Variants in CEP120 observed in about 807,000 individuals in gnomAD.
The protein encoded by CEP120 is centrosomal protein of 120 kDa.
A neutral mutation model predicts 126.5 loss-of-function variants in CEP120; 113 were observed. The ratio of observed to expected loss-of-function variants is 0.89; its 90% CI spans 0.77 to 1.04. The LOEUF (loss-of-function observed/expected upper bound fraction) is 1.04, where lower values mean the gene tolerates loss of function less well. Among genes scored for constraint, CEP120 ranks in the 50% least tolerant of loss-of-function variants. The probability of loss-of-function intolerance (pLI) is 0.00; values close to 1 mark genes in which losing one functional copy is unlikely to be tolerated. For missense variants in CEP120, 1,230 were observed against 1,155.7 expected, an observed-to-expected ratio of 1.06 and a Z score of -0.93; for synonymous variants, 400 against 394.3, an observed-to-expected ratio of 1.01 and a Z score of -0.17.
At chr5:123,399,888 A>G (rs1773060527) in intron 4 of CEP120, among the ~76,000 whole-genome samples, 1 of 152,236 alleles carries the variant, frequency 6.6e-6, no homozygotes, top group Non-Finnish European at 1.5e-5. Flanking sequence ...GAAAACTGAC[A>G]TAATCAAATA....
chr5:123,419,402 C>T (rs931228762), intron 1 of CEP120, among the ~76,000 whole-genome samples: 1 of 152,044 alleles, frequency 6.6e-6, no homozygotes, highest in Admixed American at 6.6e-5. Flanking sequence ...AAAAAATTAG[C>T]CGGGTGTGGT....
intron 3 of CEP120, 79 bp downstream of exon 3, chr5:123,415,931 C>T (rs1338676086): frequency 1.1e-6 from 1 of 932,068 alleles, no homozygotes; most frequent in Non-Finnish European, 1.7e-6. Flanking sequence ...TATTTCATGT[C>T]CTTTTCATCA....
At chr5:123,385,221 G>T in intron 10 of CEP120, 88 bp from the exon 11 acceptor site, 1 of 1,087,538 alleles carries the variant, frequency 9.2e-7, no homozygotes, top group Non-Finnish European at 1.3e-6. Context: ...CCTCAATGGA[G>T]TCAAAGATGT....
At position 123,401,240 on chromosome 5, in the gene CEP120, C is replaced by T. The variant is rs760038799; in HGVS notation, c.464-1956G>A. On this transcript the variant is annotated intron_variant, in intron 4 of 19. Coordinates refer to ENST00000306467, the MANE Select transcript of CEP120 (RefSeq NM_001375405.1). Reference sequence around the variant, plus strand: ...GCTCCTGGTACTCACGCAGCTGCCACGCCATGTCCTGCTTGGCCCGCTGCA... The same window carrying T: ...GCTCCTGGTACTCACGCAGCTGCCATGCCATGTCCTGCTTGGCCCGCTGCA... 1.8e-4 allele frequency: 290 copies of T among 1,612,046 alleles called. 3 individuals carry two copies. The South Asian group carries it at 2.5e-3, about 14-fold the overall frequency.
chr5:123,388,695 T>C (rs1349814548), intron 8 of CEP120, 89 bp from the exon 9 acceptor site: 1 of 1,070,382 alleles, frequency 9.3e-7, no homozygotes, highest in African/African-American at 1.6e-5. Flanking sequence ...ATCATCTCAT[T>C]TACCTTTAAG....
intron 4 of CEP120, among the ~76,000 whole-genome samples, chr5:123,409,734 G>C (rs955910884): frequency 1.3e-5 from 2 of 152,102 alleles, no homozygotes; most frequent in Non-Finnish European, 2.9e-5. Context: ...GAGGCAGGCG[G>C]ATCACCTGAG....
At chr5:123,370,358 C>T (rs1253897567) in intron 17 of CEP120, among the ~76,000 whole-genome samples, 2 of 152,010 alleles carry the variant, frequency 1.3e-5, no homozygotes, top group Non-Finnish European at 2.9e-5. Context: ...CTTTCTCTCC[C>T]TGCCACACTT....
chr5:123,410,452 A>G (rs1412875718), intron 4 of CEP120, among the ~76,000 whole-genome samples: 1 of 152,244 alleles, frequency 6.6e-6, no homozygotes, highest in African/African-American at 2.4e-5. Flanking sequence ...AAGCTACAGT[A>G]ATCAAAACAG....
chr5:123,369,283 A>G (rs1770687820), intron 17 of CEP120, among the ~76,000 whole-genome samples: 1 of 151,984 alleles, frequency 6.6e-6, no homozygotes, highest in Admixed American at 6.6e-5. Flanking sequence ...TTAGCATTTT[A>G]CAAATATTGA....
chr5:123,349,806 C>T (rs1769080528), intron 19 of CEP120, 138 bp downstream of exon 19: 2 of 676,918 alleles, frequency 3.0e-6, no homozygotes, highest in African/African-American at 3.7e-5. Flanking sequence ...ACCCAGCTGG[C>T]ATAGATTTTC....
chr5:123,421,962 G>A (rs186339611), intron 1 of CEP120, among the ~76,000 whole-genome samples: 14 of 152,110 alleles, frequency 9.2e-5, no homozygotes, highest in Admixed American at 7.2e-4. Flanking sequence ...CTCTCCCATG[G>A]GGGAAAAAAT....
rs753565833 is a variant in CEP120, at chr5:123,418,534, T to C, written c.50-19A>G. On this transcript the variant is annotated intron_variant, in intron 1 of 19. Transcript: ENST00000306467. Reference sequence around the variant, plus strand: ...TGCCGACCTGGAGAAACAGAATATATAGATTAATCAAAAGTGTACAAAAAT... The same window carrying C: ...TGCCGACCTGGAGAAACAGAATATACAGATTAATCAAAAGTGTACAAAAAT... 1.5e-5 allele frequency: 24 copies of C among 1,560,144 alleles called. No individual in the cohort carries two copies. Among genetic ancestry groups the C allele is most frequent in the South Asian group, 4.7e-5 (4 of 84,230 alleles).
intron 1 of CEP120, among the ~76,000 whole-genome samples, chr5:123,419,162 G>A (rs1183035004): frequency 6.6e-6 from 1 of 152,198 alleles, no homozygotes; most frequent in African/African-American, 2.4e-5. Context: ...TGTGAATGCT[G>A]CTGTCCTTGG....
chr5:123,362,506 C>A (rs553293056), intron 18 of CEP120, among the ~76,000 whole-genome samples: 1 of 151,664 alleles, frequency 6.6e-6, no homozygotes, highest in South Asian at 2.1e-4. Flanking sequence ...AAAGTAACTG[C>A]GGTTTTTGCC....
intron 17 of CEP120, among the ~76,000 whole-genome samples, chr5:123,369,262 A>G (rs2127013209): frequency 6.6e-6 from 1 of 152,122 alleles, no homozygotes; most frequent in African/African-American, 2.4e-5. Flanking sequence ...ACAATGTCCT[A>G]GGTTCTATGT....
At chr5:123,349,016 A>G (rs1210416738) in intron 19 of CEP120, among the ~76,000 whole-genome samples, 1 of 152,216 alleles carries the variant, frequency 6.6e-6, no homozygotes, top group Non-Finnish European at 1.5e-5. Flanking sequence ...TTGCTCAAAG[A>G]AAAATATACT....
intron 18 of CEP120, among the ~76,000 whole-genome samples, chr5:123,353,208 T>C (rs1005388196): frequency 6.6e-6 from 1 of 152,000 alleles, no homozygotes; most frequent in Non-Finnish European, 1.5e-5. Context: ...AGAAGAAAGT[T>C]CCATTATTTT....
chr5:123,412,005 C>T (rs925745882), intron 4 of CEP120, among the ~76,000 whole-genome samples: 1 of 152,064 alleles, frequency 6.6e-6, no homozygotes, highest in Non-Finnish European at 1.5e-5. Context: ...GAAACTAAAA[C>T]TGCTCTAAAA....
chr5:123,416,594 TA>T (rs947017966), intron 2 of CEP120, among the ~76,000 whole-genome samples: 12 of 147,578 alleles, frequency 8.1e-5, no homozygotes, highest in African/African-American at 1.5e-4. Flanking sequence ...AAAATAAAAA[TA>T]AAAAAAATAA....
Sources: gnomAD v4.1 joint callset for allele counts (sites outside exome capture counted in the v4.1 genomes callset) on GRCh38, gnomAD v4.1.1 for gene constraint, MANE v1.5 for transcripts, NCBI Gene and HGNC (gene_info 2026-07-23, HGNC 2026-07-21) for gene names.